Variants in ZNF652 observed in about 807,000 individuals in gnomAD.
ZNF652 encodes the protein zinc finger protein 652.
Under a neutral mutation model 45.2 loss-of-function variants are expected in ZNF652, and 16 were observed. The observed-to-expected ratio is 0.35, with a 90% confidence interval of 0.24 to 0.54. The LOEUF (loss-of-function observed/expected upper bound fraction) is 0.54, where lower values mean the gene tolerates loss of function less well. Among genes scored for constraint, ZNF652 ranks in the 20% least tolerant of loss-of-function variants. The probability of loss-of-function intolerance (pLI) is 0.91; values close to 1 mark genes in which losing one functional copy is unlikely to be tolerated. For synonymous variants in ZNF652, 250 were observed against 260.6 expected (o/e 0.96, Z 0.39); for missense variants, 614 against 765.6 (o/e 0.80, Z 2.34).
chr17:49,289,732 C>G lies in ZNF652; in HGVS notation c.*8681G>C. 6.6e-6 allele frequency: 1 copy of G among 152,428 alleles called. No homozygotes were observed. 9.4% of individuals were successfully genotyped at this position (152,428 alleles called of 1,614,324 possible). ...TTCTTTGCAGCATGACAGCTGCCTG[C>G]CCTACACTGAGTCTACTTGACCTTC... On this transcript the variant is annotated 3_prime_UTR_variant, in exon 6 of 6. Transcript: ENST00000430262.
At chr17:49,308,289 T>C (rs2069660465) in intron 5 of ZNF652, among the ~76,000 whole-genome samples, 1 of 152,150 alleles carries the variant, frequency 6.6e-6, no homozygotes, top group South Asian at 2.1e-4. Context: ...CAATCCTCCC[T>C]GCCTCAGCCT....
At chr17:49,357,298 C>CAA (rs34846468) in intron 1 of ZNF652, among the ~76,000 whole-genome samples, 20 of 140,170 alleles carry the variant, frequency 1.4e-4, no homozygotes, top group Non-Finnish European at 3.0e-4. Context: ...GACTCTGTCT[C>CAA]AAAAAAAAAA....
Position 49,317,465 on chromosome 17 carries a change from C to T in ZNF652, c.261G>A (p.Val87=). Reference sequence around the variant, plus strand: ...CTTCCTTAACAGCATGCACGTCAGACACTGCTCTTGTCTCCCTGAAATATG... The same window carrying T: ...CTTCCTTAACAGCATGCACGTCAGATACTGCTCTTGTCTCCCTGAAATATG... The part of the protein sequence containing the change: ...EQPYFRETRA[V]SDVHAVKEDR... Residue 87 remains valine (V), a synonymous_variant, in exon 2 of 6, where the codon GTG becomes GTA. Coordinates refer to ENST00000430262, the MANE Select transcript of ZNF652 (RefSeq NM_001145365.3). 1.2e-6 allele frequency: 2 copies of T among 1,614,168 alleles called. No individual in the cohort carries two copies. The highest frequency in any genetic ancestry group is 2.2e-5 in the East Asian group (1 of 44,880).
chr17:49,347,518 T>G (rs1356130466), intron 1 of ZNF652, among the ~76,000 whole-genome samples: 1 of 152,028 alleles, frequency 6.6e-6, no homozygotes, highest in African/African-American at 2.4e-5. Context: ...TGAGCCGTGA[T>G]CATGCCACTG....
chr17:49,316,612 T>G (rs1054068696), intron 2 of ZNF652, among the ~76,000 whole-genome samples: 1 of 152,214 alleles, frequency 6.6e-6, no homozygotes, highest in Non-Finnish European at 1.5e-5. Context: ...CCTTCCAGTG[T>G]GCCTGGGTTC....
At chr17:49,305,463 T>A (rs1403980280) in intron 5 of ZNF652, among the ~76,000 whole-genome samples, 3 of 152,078 alleles carry the variant, frequency 2.0e-5, no homozygotes, top group Admixed American at 6.6e-5. Flanking sequence ...AATAAATAAA[T>A]AAAATAAAGA....
chr17:49,353,925 T>C (rs551762705), intron 1 of ZNF652, among the ~76,000 whole-genome samples: 3 of 152,260 alleles, frequency 2.0e-5, no homozygotes, highest in Admixed American at 6.5e-5. Context: ...CAAACATAAA[T>C]CATCTTTAAA....
intron 1 of ZNF652, among the ~76,000 whole-genome samples, chr17:49,356,497 A>G (rs1255504474): frequency 6.6e-6 from 1 of 151,868 alleles, no homozygotes; most frequent in Non-Finnish European, 1.5e-5. Context: ...CACAAAGAAA[A>G]AGTTCACTTA....
At chr17:49,342,920 C>G (rs1351778325) in intron 1 of ZNF652, among the ~76,000 whole-genome samples, 1 of 149,766 alleles carries the variant, frequency 6.7e-6, no homozygotes, top group Non-Finnish European at 1.5e-5. Flanking sequence ...CTTGCTCTGT[C>G]ACCCAGTCTG....
At chr17:49,342,031 C>G (rs556137528) in intron 1 of ZNF652, among the ~76,000 whole-genome samples, 17 of 151,660 alleles carry the variant, frequency 1.1e-4, no homozygotes, top group Non-Finnish European at 1.9e-4. Context: ...ACTAAAAGTA[C>G]AAAAATTAGC....
chr17:49,341,629 A>G (rs2070147864), intron 1 of ZNF652, among the ~76,000 whole-genome samples: 1 of 151,910 alleles, frequency 6.6e-6, no homozygotes, highest in African/African-American at 2.4e-5. Flanking sequence ...ACACCACTAC[A>G]CTCTGGCCTG....
chr17:49,295,472 G>A lies in ZNF652; in HGVS notation c.*2941C>T, dbSNP rs2069460656. On this transcript the variant is annotated 3_prime_UTR_variant, in exon 6 of 6. Transcript: ENST00000430262. Reference sequence around the variant, plus strand: ...GGATGGTGGTATTTGCTTAATACTGGTTTTCCTGTATAGCAGATATTTTCT... The same window carrying A: ...GGATGGTGGTATTTGCTTAATACTGATTTTCCTGTATAGCAGATATTTTCT... 6.6e-6 allele frequency: 1 copy of A among 151,876 alleles called. No homozygotes were observed. Among genetic ancestry groups the A allele is most frequent in the Admixed American group, 6.6e-5 (1 of 15,128 alleles). The allele number at this position is 151,876 out of a possible 1,614,324, so 9.4% of individuals were successfully genotyped here.
chr17:49,359,683 G>A (rs1223524918), intron 1 of ZNF652, among the ~76,000 whole-genome samples: 1 of 152,076 alleles, frequency 6.6e-6, no homozygotes, highest in East Asian at 1.9e-4. Context: ...AAAAATAGCT[G>A]ATATTTATCA....
At chr17:49,343,656 AC>A (rs1296447658) in intron 1 of ZNF652, among the ~76,000 whole-genome samples, 3 of 151,714 alleles carry the variant, frequency 2.0e-5, no homozygotes, top group East Asian at 1.9e-4. Context: ...AAAAAAAATA[AC>A]TTTTTTTTTT....
chr17:49,349,357 C>G (rs1050141241), intron 1 of ZNF652, among the ~76,000 whole-genome samples: 1 of 152,128 alleles, frequency 6.6e-6, no homozygotes, highest in Non-Finnish European at 1.5e-5. Flanking sequence ...CGAGATCACA[C>G]CATTGCACTC....
At chr17:49,311,239 A>G in intron 5 of ZNF652, 73 bp downstream of exon 5, 1 of 1,455,492 alleles carries the variant, frequency 6.9e-7, no homozygotes, top group Middle Eastern at 1.8e-4. Flanking sequence ...TGATTTTTTT[A>G]AAAAACAGAC....
chr17:49,318,216 T>G (rs1030607698), intron 1 of ZNF652, among the ~76,000 whole-genome samples: 12 of 152,142 alleles, frequency 7.9e-5, no homozygotes, highest in Admixed American at 6.6e-4. Flanking sequence ...TAGCTGGGAT[T>G]ACAGGCGCCC....
At chr17:49,312,276 C>T (rs375503024) in intron 3 of ZNF652, among the ~76,000 whole-genome samples, 143 of 150,124 alleles carry the variant, frequency 9.5e-4, no homozygotes, top group Middle Eastern at 3.5e-3. Context: ...AGTGATTATC[C>T]TGCCTCAGCC....
intron 1 of ZNF652, among the ~76,000 whole-genome samples, chr17:49,326,337 T>G (rs1345665137): frequency 6.7e-6 from 1 of 149,908 alleles, no homozygotes; most frequent in Non-Finnish European, 1.5e-5. Flanking sequence ...AAAAGCCAAC[T>G]CAGTTTTGAA....
Sources: gnomAD v4.1 joint callset for allele counts (sites outside exome capture counted in the v4.1 genomes callset) on GRCh38, gnomAD v4.1.1 for gene constraint, MANE v1.5 for transcripts, NCBI Gene and HGNC (gene_info 2026-07-23, HGNC 2026-07-21) for gene names.